Variants in PVRIG observed in about 807,000 individuals in gnomAD.
PVRIG encodes PVR related immunoglobulin domain containing.
PVRIG carries 16 observed loss-of-function variants against 21.9 expected under a neutral mutation model. The observed-to-expected ratio is 0.73, with a 90% CI of 0.50 to 1.11. The LOEUF (loss-of-function observed/expected upper bound fraction) is 1.11, where lower values mean the gene tolerates loss of function less well. Ranked by LOEUF, PVRIG falls within the 50% of genes most tolerant of loss-of-function variation. The pLI, the probability that PVRIG is intolerant of heterozygous loss-of-function variation, is 0.00. For missense variants in PVRIG, 435 were observed against 445.7 expected, an observed-to-expected ratio of 0.98 and a Z score of 0.22; for synonymous variants, 190 against 181.0, an observed-to-expected ratio of 1.05 and a Z score of -0.40.
At chr7:100,221,472 C>G in exon 6 of PVRIG, 1 of 461,332 alleles carries the variant, frequency 2.2e-6, no homozygotes, top group Middle Eastern at 5.1e-4. Flanking sequence ...GTCAGCAACA[C>G]AGTTTCTCTG....
Position 100,220,483 on chromosome 7 carries a change from G to A in PVRIG, c.469+19G>A. On this transcript the variant is annotated intron_variant, in intron 3 of 5. Transcript: ENST00000317271. ...GACCCAGGTGGGGCCGGGGCGAGGGGTCCAGGAGGGCAGGGAGGGGCTCGG... is the reference window on the plus strand; with the variant it reads ...GACCCAGGTGGGGCCGGGGCGAGGGATCCAGGAGGGCAGGGAGGGGCTCGG... 3 of 1,612,316 alleles carry A rather than the reference G, an allele frequency of 1.9e-6. No homozygotes were observed. The highest frequency in any genetic ancestry group is 2.5e-6 in the Non-Finnish European group (3 of 1,179,366).
chr7:100,220,806 A>G, exon 5 of PVRIG: 1 of 1,606,566 alleles, frequency 6.2e-7, no homozygotes, highest in East Asian at 2.2e-5. Flanking sequence ...CCAGGCACCG[A>G]GAGCACGAGC....
At chr7:100,219,573 G>T (rs17250196) in intron 1 of PVRIG, 14,232 of 392,380 alleles carry the variant, frequency 0.036, 340 homozygotes, top group Non-Finnish European at 0.048. Context: ...ACTCCCAGGG[G>T]CTTTCTCCTC....
exon 2 of PVRIG, chr7:100,219,908 G>A: frequency 6.5e-7 from 1 of 1,548,966 alleles, no homozygotes; most frequent in South Asian, 1.2e-5. Context: ...AAGACTTCCT[G>A]CGATGAGAAC....
At chr7:100,221,072 C>G (rs1408449794) in exon 6 of PVRIG, 1 of 1,613,930 alleles carries the variant, frequency 6.2e-7, no homozygotes, top group Non-Finnish European at 8.5e-7. Flanking sequence ...TGCACACCGG[C>G]CCCAGGGCCC....
At chr7:100,220,818 T>C in exon 5 of PVRIG, 3 of 1,606,808 alleles carry the variant, frequency 1.9e-6, no homozygotes, top group Non-Finnish European at 2.5e-6. Flanking sequence ...AGCACGAGCA[T>C]GGGTGAGGAG....
exon 3 of PVRIG, chr7:100,220,317 T>C (rs1435122596): frequency 6.4e-7 from 1 of 1,556,572 alleles, no homozygotes; most frequent in Non-Finnish European, 8.7e-7. Flanking sequence ...CCAGGCCCGC[T>C]GGGAAACCCA....
Position 100,220,535 on chromosome 7 carries a change from C to G in PVRIG, c.470-12C>G. On this transcript the variant is annotated splice_polypyrimidine_tract_variant and intron_variant, in intron 3 of 5. Coordinates refer to ENST00000317271, the Ensembl canonical transcript of PVRIG. ...AACTGGCCACCCATCTGATTCTTGT[C>G]TCCGTGCCCAGGGCTCTCTGCCCCG... is the stretch of plus-strand genomic sequence containing the variant. 1 of 1,611,328 alleles carries G rather than the reference C, an allele frequency of 6.2e-7. No individual in the cohort carries two copies. Among genetic ancestry groups the G allele is most frequent in the Non-Finnish European group, 8.5e-7 (1 of 1,179,136 alleles).
exon 3 of PVRIG, chr7:100,220,231 G>T: frequency 1.3e-6 from 2 of 1,586,238 alleles, no homozygotes; most frequent in Non-Finnish European, 8.6e-7. Context: ...AGCTGGGGGG[G>T]CCCCAACGGT....
rs1803122222 is a variant in PVRIG, at chr7:100,220,130, G to A, written c.135G>A (p.Trp45Ter). 3 of 1,599,912 alleles carry A rather than the reference G, an allele frequency of 1.9e-6. No individual in the cohort carries two copies. The highest frequency in any genetic ancestry group is 2.6e-6 in the Non-Finnish European group (3 of 1,174,778). The change falls in exon 3 of 6, where the codon TGG (tryptophan) becomes TGA (stop). Residue 45 changes from tryptophan to a stop codon, truncating the protein, a stop_gained. Coordinates refer to ENST00000317271, the Ensembl canonical transcript of PVRIG. LOFTEE classifies it high-confidence loss of function. Reference sequence around the variant, plus strand: ...GTTCCACAGGGACCCCGGAGGTGTGGGTTCAAGTTCGGATGGAGGCCACCG... The same window carrying A: ...GTTCCACAGGGACCCCGGAGGTGTGAGTTCAAGTTCGGATGGAGGCCACCG...
exon 6 of PVRIG, chr7:100,221,185 C>T (rs373802845): frequency 4.2e-5 from 67 of 1,610,876 alleles, no homozygotes; most frequent in Non-Finnish European, 4.9e-5. Flanking sequence ...ACACTGGTCC[C>T]GGCCTCACTC....
rs1349574120 is a variant in PVRIG at position 100,220,742 on chromosome 7, A to G, written c.597-18A>G. On this transcript the variant is annotated intron_variant, in intron 4 of 5. Transcript: ENST00000317271. ...CCACATGCCCTGCAGAGCTCTGACC[A>G]TCCTTGCTCTCTCCCAGCCCTGCCC... 6.2e-7 allele frequency: 1 copy of G among 1,606,276 alleles called. No homozygotes were observed. Among genetic ancestry groups the G allele is most frequent in the East Asian group, 2.2e-5 (1 of 44,858 alleles).
At chr7:100,220,713 A>C (rs755048789) in intron 4 of PVRIG, 40 bp downstream of exon 3, 44 of 1,608,062 alleles carry the variant, frequency 2.7e-5, no homozygotes, top group African/African-American at 4.0e-5. Context: ...TGACACTGGG[A>C]TGGCCACATG....
rs373243191 is a variant in PVRIG at position 100,220,014 on chromosome 7, T to C, written c.104T>C (p.Leu35Ser). The C allele has an allele frequency of 4.4e-6, 7 of 1,604,350 alleles. No individual in the cohort carries two copies. The Admixed American group carries it at 5.1e-5, about 12-fold the overall frequency. The change falls in exon 2 of 6, where the codon TTG becomes TCG. Residue 35 changes from leucine (L) to serine (S), a missense_variant. By Grantham distance (145) the Leu-to-Ser change is moderately radical (BLOSUM62 -2). Transcript: ENST00000317271. ...GTCCTGCCCTGGGTGCTGCTGACCT[T>C]GTGTGTCACTGCGGGTGAGTGCCGG...
rs773172950 is a variant in PVRIG at position 100,221,111 on chromosome 7, G to A, written c.841G>A (p.Ala281Thr). Residue 281 changes from alanine (A) to threonine (T), a missense_variant, in exon 6 of 6, where the codon GCA (alanine) becomes ACA (threonine). Ala to Thr is a moderately conservative substitution (Grantham distance 58). Coordinates refer to ENST00000317271, the Ensembl canonical transcript of PVRIG. Reference sequence around the variant, plus strand: ...CGCCTGGGCCTCCACACCCATCCCTGCACGTGGCAGCTTTGTCTCTGTTGA... The same window carrying A: ...CGCCTGGGCCTCCACACCCATCCCTACACGTGGCAGCTTTGTCTCTGTTGA... 2.5e-6 allele frequency: 4 copies of A among 1,613,812 alleles called. No individual in the cohort carries two copies. The Admixed American group carries it at 6.7e-5, about 27-fold the overall frequency.
chr7:100,220,193 G>A (rs1367535612), exon 3 of PVRIG: 6 of 1,598,418 alleles, frequency 3.8e-6, no homozygotes, highest in Admixed American at 3.5e-5. Flanking sequence ...GGTTCCTGGG[G>A]TCTGGCTCCA....
chr7:100,221,120 A>C (rs779809829), exon 6 of PVRIG: 1 of 1,613,886 alleles, frequency 6.2e-7, no homozygotes, highest in South Asian at 1.1e-5. Context: ...TGCACGTGGC[A>C]GCTTTGTCTC....
chr7:100,221,354 GCCAGGCCCACCT>G lies in PVRIG; in HGVS notation c.*104_*115del, dbSNP rs902085434. The G allele has an allele frequency of 4.3e-5, 41 of 948,132 alleles. No homozygotes were observed. The African/African-American group carries it at 5.1e-4, about 12-fold the overall frequency. 58.7% of individuals were successfully genotyped at this position (948,132 alleles called of 1,614,324 possible). ...CCAATAAGTGTCCCATAGGTGTCTG[GCCAGGCCCACCT>G]GCTGCGGATGTGGTCTCTGTGTGTG... On this transcript the variant is annotated 3_prime_UTR_variant, in exon 6 of 6. Coordinates refer to ENST00000317271, the Ensembl canonical transcript of PVRIG.
exon 6 of PVRIG, chr7:100,221,234 C>A: frequency 6.3e-7 from 1 of 1,580,408 alleles, no homozygotes; most frequent in Non-Finnish European, 8.6e-7. Flanking sequence ...CATGGAAGGA[C>A]CCTTAGGAGT....
Sources: allele counts gnomAD v4.1 joint callset, GRCh38; gene constraint gnomAD v4.1.1; transcripts MANE v1.5; gene names NCBI Gene and HGNC (gene_info 2026-07-23, HGNC 2026-07-21).